TMEM51: variants seen among roughly 807,000 people sequenced by gnomAD.
TMEM51 encodes transmembrane protein 51.
TMEM51 carries 8 observed loss-of-function variants against 13.6 expected under a neutral mutation model. The ratio of observed to expected loss-of-function variants is 0.59; its 90% CI spans 0.35 to 1.07. The LOEUF (loss-of-function observed/expected upper bound fraction) is 1.07. Among genes scored for constraint, TMEM51 ranks in the 50% least tolerant of loss-of-function variants. The pLI is 0.02. For synonymous variants in TMEM51, 147 were observed against 144.4 expected, an observed-to-expected ratio of 1.02 and a Z score of -0.13; for missense variants, 279 against 330.7, an observed-to-expected ratio of 0.84 and a Z score of 1.21.
Position 15,220,229 on chromosome 1 carries a change from T to A in TMEM51, c.*486T>A, listed in dbSNP as rs778392846. The A allele has an allele frequency of 6.3e-4, 102 of 163,080 alleles. No individual in the cohort carries two copies. Among genetic ancestry groups the A allele is most frequent in the Non-Finnish European group, 1.2e-3 (92 of 73,916 alleles). 10.1% of individuals were successfully genotyped at this position (163,080 alleles called of 1,614,324 possible). On this transcript the variant is annotated 3_prime_UTR_variant, in exon 4 of 4. Transcript: ENST00000376008. The stretch of plus-strand genomic sequence containing the variant: ...TTGTAGAAAGGACACAGGGCTGTTT[T>A]ATGAACTAAGCGGTGAGGCTCAGGT...
At chr1:15,160,954 G>A (rs1400406436) in intron 1 of TMEM51, among the ~76,000 whole-genome samples, 1 of 151,840 alleles carries the variant, frequency 6.6e-6, no homozygotes, top group South Asian at 2.1e-4. Context: ...GCCCGTGAAG[G>A]AGGAGGCTTA....
upstream of TMEM51, among the ~76,000 whole-genome samples, chr1:15,153,071 C>G (rs536099433): frequency 2.6e-5 from 4 of 152,346 alleles, no homozygotes; most frequent in South Asian, 8.3e-4. Context: ...CGAGGGCGCC[C>G]TGGGGACCAC....
intron 2 of TMEM51, among the ~76,000 whole-genome samples, chr1:15,212,585 C>T (rs1644359249): frequency 6.6e-6 from 1 of 152,210 alleles, no homozygotes; most frequent in African/African-American, 2.4e-5. Flanking sequence ...GTGTACTTCT[C>T]CACCCTCCGA....
At chr1:15,194,860 G>A (rs534424518) in intron 1 of TMEM51, among the ~76,000 whole-genome samples, 3 of 150,180 alleles carry the variant, frequency 2.0e-5, no homozygotes, top group Non-Finnish European at 3.0e-5. Context: ...ATTCAAGAGC[G>A]CACCTGCAGC....
At chr1:15,174,670 C>A (rs1643399183) in intron 1 of TMEM51, among the ~76,000 whole-genome samples, 1 of 152,204 alleles carries the variant, frequency 6.6e-6, no homozygotes, top group Non-Finnish European at 1.5e-5. Flanking sequence ...ATATCATACA[C>A]TGGGTGGCTT....
intron 1 of TMEM51, among the ~76,000 whole-genome samples, chr1:15,190,108 G>A (rs528389981): frequency 1.3e-4 from 19 of 151,908 alleles, no homozygotes; most frequent in Non-Finnish European, 2.4e-4. Flanking sequence ...CCTTCTTTTA[G>A]AGCAGGGCTT....
At position 15,189,213 on chromosome 1, in the gene TMEM51, CTTTTTTTT is replaced by C. The variant is rs59346950; in HGVS notation, c.-266-21262_-266-21255del. ...CTTCACCACACCCAGCTAATTTTTC[CTTTTTTTT>C]TTTTTTTTTTTTTTAGTAGAGACAG... On this transcript the variant is annotated intron_variant, in intron 1 of 3. Coordinates refer to ENST00000376008, the MANE Select transcript of TMEM51 (RefSeq NM_001136218.2). 5.4e-5 allele frequency among the ~76,000 whole-genome samples: 5 copies of C among 92,852 alleles called. 1 individual carries two copies. The highest frequency in any genetic ancestry group is 4.2e-4 in the South Asian group (1 of 2,358). 60.9% of individuals were successfully genotyped at this position (92,852 alleles called of 152,430 possible). A position where few individuals can be genotyped will look rare whatever the true frequency, so the allele number is the denominator to read the frequency against.
At position 15,176,289 on chromosome 1, in the gene TMEM51, C is replaced by CAGT. The variant is rs199871661; in HGVS notation, c.-267+22336_-267+22338dup. Among the ~76,000 whole-genome samples, 248 of 152,294 alleles carry CAGT rather than the reference C, an allele frequency of 1.6e-3. 2 individuals are homozygous for CAGT. The East Asian group carries it at 0.021, about 13-fold the overall frequency. On this transcript the variant is annotated intron_variant, in intron 1 of 3. Transcript: ENST00000376008. ...AAAATATAAAAAGCCCCAGAGGCGGCAGTGAGAACACAGGTGTTCAGCCCT... is the reference window on the plus strand; with the variant it reads ...AAAATATAAAAAGCCCCAGAGGCGGCAGTAGTGAGAACACAGGTGTTCAGCCCT...
intron 1 of TMEM51, among the ~76,000 whole-genome samples, chr1:15,193,507 G>A (rs561272436): frequency 6.6e-6 from 1 of 152,146 alleles, no homozygotes; most frequent in South Asian, 2.1e-4. Flanking sequence ...TGCCTGTCCT[G>A]TGCCGGACCT....
intron 1 of TMEM51, chr1:15,191,898 A>G: frequency 3.8e-6 from 2 of 528,380 alleles, no homozygotes; most frequent in Non-Finnish European, 7.7e-6. Context: ...CTCTTTTAGC[A>G]CGTTGTTTGT....
chr1:15,167,326 C>CAAAAAA (rs555274126), intron 1 of TMEM51, among the ~76,000 whole-genome samples: 19 of 69,430 alleles, frequency 2.7e-4, no homozygotes, highest in East Asian at 9.2e-4. Context: ...GACTCCATCT[C>CAAAAAA]AAAAAAAAAA....
At chr1:15,217,196 GAAAA>G (rs1032973294) in intron 3 of TMEM51, among the ~76,000 whole-genome samples, 1 of 151,438 alleles carries the variant, frequency 6.6e-6, no homozygotes, top group African/African-American at 2.4e-5. Flanking sequence ...CACACCAGAA[GAAAA>G]AAAAATCTCA....
intron 1 of TMEM51, among the ~76,000 whole-genome samples, chr1:15,208,337 G>A (rs1481029630): frequency 6.6e-6 from 1 of 152,174 alleles, no homozygotes; most frequent in African/African-American, 2.4e-5. Flanking sequence ...AAAGTAGTAA[G>A]ATAGCCAGGC....
intron 1 of TMEM51, among the ~76,000 whole-genome samples, chr1:15,184,368 C>T (rs1358811446): frequency 6.6e-6 from 1 of 152,186 alleles, no homozygotes; most frequent in Non-Finnish European, 1.5e-5. Context: ...ACTGCAGGAC[C>T]ACACTGTGAG....
intron 1 of TMEM51, among the ~76,000 whole-genome samples, chr1:15,158,655 G>T (rs998036044): frequency 6.6e-6 from 1 of 152,150 alleles, no homozygotes; most frequent in Non-Finnish European, 1.5e-5. Flanking sequence ...TTCCTAATCG[G>T]TGATTCAGGT....
Position 15,184,216 on chromosome 1 carries a change from G to A in TMEM51, c.-266-26274G>A, listed in dbSNP as rs967860135. Among the ~76,000 whole-genome samples, 5 of 152,118 alleles carry A rather than the reference G, an allele frequency of 3.3e-5. No individual in the cohort carries two copies. In the East Asian group the frequency reaches 5.8e-4, roughly 18 times the overall value. ...TAATATTTGTATTTTTAGTAGAGACGGGGTTTCACCATGTTGGCCAGGATG... is the reference window on the plus strand; with the variant it reads ...TAATATTTGTATTTTTAGTAGAGACAGGGTTTCACCATGTTGGCCAGGATG... On this transcript the variant is annotated intron_variant, in intron 1 of 3. Coordinates refer to ENST00000376008, the MANE Select transcript of TMEM51 (RefSeq NM_001136218.2).
At chr1:15,194,917 CTTTTTTTTTTT>C (rs34885407) in intron 1 of TMEM51, among the ~76,000 whole-genome samples, 1 of 93,484 alleles carries the variant, frequency 1.1e-5, no homozygotes, top group Non-Finnish European at 2.0e-5. Context: ...TATAATTTTA[CTTTTTTTTTTT>C]TTTTTTTTTT....
intron 1 of TMEM51, among the ~76,000 whole-genome samples, chr1:15,185,473 A>G (rs549768837): frequency 2.6e-5 from 4 of 152,254 alleles, no homozygotes; most frequent in Non-Finnish European, 5.9e-5. Flanking sequence ...CTGAGGCCCA[A>G]TACTTCTTGG....
chr1:15,214,307 G>A (rs557539531), intron 2 of TMEM51, among the ~76,000 whole-genome samples: 2 of 152,144 alleles, frequency 1.3e-5, no homozygotes, highest in African/African-American at 2.4e-5. Context: ...GTGGTTGGGG[G>A]TGGGTAGTGC....
Sources: allele counts gnomAD v4.1 joint callset (sites outside exome capture counted in the v4.1 genomes callset), GRCh38; gene constraint gnomAD v4.1.1; transcripts MANE v1.5; gene names NCBI Gene and HGNC (gene_info 2026-07-23, HGNC 2026-07-21).